Variants in RXRG observed in about 807,000 individuals in gnomAD.
The protein encoded by RXRG is retinoic acid receptor RXR-gamma.
RXRG carries 19 observed loss-of-function variants against 49.2 expected under a neutral mutation model. That is an observed-to-expected ratio of 0.39 (90% confidence interval 0.27 to 0.57). The LOEUF (loss-of-function observed/expected upper bound fraction) is 0.57. RXRG is among the 20% of genes least tolerant of loss of function. RXRG has a pLI of 0.64. For missense variants in RXRG, 452 were observed against 592.5 expected, an observed-to-expected ratio of 0.76 and a Z score of 2.46; for synonymous variants, 224 against 216.6, an observed-to-expected ratio of 1.03 and a Z score of -0.30.
rs751447894 is a variant in RXRG at position 165,406,901 on chromosome 1, G to A, written c.1155C>T (p.Ser385=). 6.2e-7 allele frequency: 1 copy of A among 1,613,454 alleles called. No homozygotes were observed. The highest frequency in any genetic ancestry group is 1.1e-5 in the South Asian group (1 of 91,064). The change falls in exon 9 of 10, where the codon TCC becomes TCT. Residue 385 remains serine, a synonymous_variant. Transcript: ENST00000359842. ...GCAGAGTCTCCACCTCAGAGGGGTTGGACAGGCCCTTGGCATCTAAAAGAC... is the reference window on the plus strand; with the variant it reads ...GCAGAGTCTCCACCTCAGAGGGGTTAGACAGGCCCTTGGCATCTAAAAGAC... ...VLFNPDAKGL[S]NPSEVETLRE...
chr1:165,420,069 A>T, intron 2 of RXRG, 55 bp from the exon 3 acceptor site: 1 of 1,390,096 alleles, frequency 7.2e-7, no homozygotes, highest in Non-Finnish European at 9.6e-7. Flanking sequence ...TCAATCCCCA[A>T]GGCCTAAGGC....
chr1:165,408,358 G>A, intron 7 of RXRG, 40 bp from the exon 8 acceptor site: 1 of 1,438,104 alleles, frequency 7.0e-7, no homozygotes, highest in Non-Finnish European at 9.8e-7. Context: ...AAAACCGTAA[G>A]TAACAGGCCA....
At chr1:165,440,844 T>G (rs1033443975) in intron 1 of RXRG, among the ~76,000 whole-genome samples, 1 of 152,154 alleles carries the variant, frequency 6.6e-6, no homozygotes, top group Admixed American at 6.5e-5. Flanking sequence ...GCATTTAGAT[T>G]CTCTTTGCAC....
Position 165,419,937 on chromosome 1 carries a change from G to C in RXRG, c.375C>G (p.Asn125Lys), listed in dbSNP as rs1658255194. The change falls in exon 3 of 10, where the codon AAC becomes AAG. Residue 125 changes from asparagine to lysine, a missense_variant. Physicochemically the swap from Asn to Lys is moderately conservative, Grantham distance 94. Transcript: ENST00000359842. ...LPGLPGIGNM[N>K]YPSTSPGSLV... Reference sequence around the variant, plus strand: ...GAGATCCGGGGCTGGTGGATGGGTAGTTCATGTTTCCAATCCCGGGAAGCC... The same window carrying C: ...GAGATCCGGGGCTGGTGGATGGGTACTTCATGTTTCCAATCCCGGGAAGCC... 1 of 1,613,418 alleles carries C rather than the reference G, an allele frequency of 6.2e-7. No individual in the cohort carries two copies. The highest frequency in any genetic ancestry group is 8.5e-7 in the Non-Finnish European group (1 of 1,179,648).
Position 165,434,272 on chromosome 1 carries a change from A to ATGTG in RXRG, c.50-5310_50-5307dup, listed in dbSNP as rs1491272318. ...CCACAATCTCTAAACAATGAATTGCATGTGTGTATGTGTGTGTGTGTGTGT... is the reference window on the plus strand; with the variant it reads ...CCACAATCTCTAAACAATGAATTGCATGTGTGTGTGTATGTGTGTGTGTGTGTGT... On this transcript the variant is annotated intron_variant, in intron 1 of 9. Coordinates refer to ENST00000359842, the MANE Select transcript of RXRG (RefSeq NM_006917.5). Among the ~76,000 whole-genome samples the ATGTG allele has an allele frequency of 3.8e-3, 253 of 66,750 alleles. 2 individuals carry two copies. Among genetic ancestry groups the ATGTG allele is most frequent in the Admixed American group, 9.5e-3 (67 of 7,036 alleles). 43.8% of individuals were successfully genotyped at this position (66,750 alleles called of 152,430 possible). A position where few individuals can be genotyped will look rare whatever the true frequency, so the allele number is the denominator to read the frequency against.
chr1:165,432,887 G>C (rs1044286652), intron 1 of RXRG, among the ~76,000 whole-genome samples: 1 of 152,102 alleles, frequency 6.6e-6, no homozygotes, highest in Non-Finnish European at 1.5e-5. Flanking sequence ...GCTCCCTTTT[G>C]GTCCTTGCAA....
rs536109806 is a variant in RXRG at position 165,427,226 on chromosome 1, C to T, written c.297+1493G>A. Among the ~76,000 whole-genome samples the T allele has an allele frequency of 5.3e-5, 8 of 152,322 alleles. No individual in the cohort carries two copies. In the East Asian group the frequency reaches 1.3e-3, roughly 26 times the overall value. On this transcript the variant is annotated intron_variant, in intron 2 of 9. Transcript: ENST00000359842. The stretch of plus-strand genomic sequence containing the variant: ...CCTCTAGGTGTGCTGGTAGTTGGGG[C>T]AGCAGGGACTCTGGCTGTTATACAG...
chr1:165,410,753 G>A lies in RXRG; in HGVS notation c.862C>T (p.Pro288Ser). Residue 288 changes from proline to serine, a missense_variant, in exon 6 of 10, where the codon CCC becomes TCC. Pro to Ser is a moderately conservative substitution (Grantham distance 74). Transcript: ENST00000359842. Reference sequence around the variant, plus strand: ...TCCAAGGTGAGGTCAGAGAAGTGGGGAATACGCTTGGCCCATTCAACGAGG... The same window carrying A: ...TCCAAGGTGAGGTCAGAGAAGTGGGAAATACGCTTGGCCCATTCAACGAGG... ...FTLVEWAKRI[P>S]HFSDLTLEDQ... is the part of the protein sequence containing the mutation. 6.2e-7 allele frequency: 1 copy of A among 1,614,118 alleles called. No individual in the cohort carries two copies.
intron 1 of RXRG, among the ~76,000 whole-genome samples, chr1:165,438,131 G>A (rs562704975): frequency 3.9e-4 from 60 of 152,238 alleles, no homozygotes; most frequent in African/African-American, 1.1e-3. Flanking sequence ...TCTATCTGTT[G>A]TGCTGAGATT....
intron 4 of RXRG, among the ~76,000 whole-genome samples, chr1:165,412,999 G>A (rs1658003408): frequency 6.6e-6 from 1 of 152,186 alleles, no homozygotes; most frequent in African/African-American, 2.4e-5. Flanking sequence ...CTCAATCAAT[G>A]TCTTCTAGAG....
At chr1:165,415,490 T>C (rs1051067475) in intron 4 of RXRG, among the ~76,000 whole-genome samples, 1 of 152,146 alleles carries the variant, frequency 6.6e-6, no homozygotes, top group African/African-American at 2.4e-5. Flanking sequence ...AGGACAAAGA[T>C]GGAAGCAGGG....
chr1:165,414,568 G>A (rs774534734), intron 4 of RXRG, among the ~76,000 whole-genome samples: 1 of 152,164 alleles, frequency 6.6e-6, no homozygotes, highest in Non-Finnish European at 1.5e-5. Context: ...AACTGTTACT[G>A]TTCCAAGTCA....
intron 2 of RXRG, among the ~76,000 whole-genome samples, chr1:165,427,738 G>A (rs917249594): frequency 6.6e-5 from 10 of 152,168 alleles, no homozygotes; most frequent in South Asian, 2.1e-4. Context: ...CACCGTGCCC[G>A]GCCTGAATCA....
intron 4 of RXRG, among the ~76,000 whole-genome samples, chr1:165,415,814 G>A (rs944900537): frequency 6.6e-6 from 1 of 152,112 alleles, no homozygotes; most frequent in Admixed American, 6.6e-5. Context: ...ATGTCACAGC[G>A]AGGGCCATCT....
chr1:165,423,319 G>C (rs949854177), intron 2 of RXRG, among the ~76,000 whole-genome samples: 1 of 152,200 alleles, frequency 6.6e-6, no homozygotes, highest in Admixed American at 6.5e-5. Context: ...ACTCCTATCT[G>C]CTGCTGCACG....
intron 2 of RXRG, among the ~76,000 whole-genome samples, chr1:165,421,478 C>T (rs965277196): frequency 1.3e-5 from 2 of 150,274 alleles, no homozygotes; most frequent in Non-Finnish European, 3.0e-5. Context: ...TCATCCATGT[C>T]TTGAGATTAT....
rs1367486102 is a variant in RXRG at position 165,445,004 on chromosome 1, A to G, written c.-111T>C. 15 of 980,314 alleles carry G rather than the reference A, an allele frequency of 1.5e-5. No individual in the cohort carries two copies. The highest frequency in any genetic ancestry group is 1.2e-4 in the South Asian group (9 of 73,858). The allele number at this position is 980,314 out of a possible 1,614,324, so 60.7% of individuals were successfully genotyped here. A position where few individuals can be genotyped will look rare whatever the true frequency, so the allele number is the denominator to read the frequency against. On this transcript the variant is annotated 5_prime_UTR_variant, in exon 1 of 10. It removes an upstream start codon present in the reference 5' UTR. Transcript: ENST00000359842. ...TCAACTTGGGCTAACAAGAGTGGTC[A>G]TCGCTTCCTAGCAGCCCGGGGAGCA...
intron 9 of RXRG, 26 bp downstream of exon 9, chr1:165,406,783 TTAC>T (rs765694003): frequency 6.6e-7 from 1 of 1,505,736 alleles, no homozygotes; most frequent in South Asian, 1.1e-5. Flanking sequence ...GTTGCTGCTG[TTAC>T]TACGATTCTG....
Position 165,416,532 on chromosome 1 carries a change from G to A in RXRG, c.622+509C>T, listed in dbSNP as rs149734989. On this transcript the variant is annotated intron_variant, in intron 4 of 9. Coordinates refer to ENST00000359842, the MANE Select transcript of RXRG (RefSeq NM_006917.5). ...TACCAATATCAAAGATTTGATAGCA[G>A]ACCCAGGTAAAAAAAACTCAGTGAG... is the stretch of plus-strand genomic sequence containing the variant. 7.4e-3 allele frequency among the ~76,000 whole-genome samples: 1,134 copies of A among 152,242 alleles called. 8 individuals carry two copies. In the Middle Eastern group the frequency reaches 0.075, roughly 10 times the overall value.
Sources: allele counts gnomAD v4.1 joint callset (sites outside exome capture counted in the v4.1 genomes callset), GRCh38; gene constraint gnomAD v4.1.1; transcripts MANE v1.5; gene names NCBI Gene and HGNC (gene_info 2026-07-23, HGNC 2026-07-21).